Variants in MYLK observed in about 807,000 individuals in gnomAD.
The protein encoded by MYLK is myosin light chain kinase, smooth muscle.
In MYLK, 106 loss-of-function variants were observed where a neutral mutation model predicts 203.4. The ratio of observed to expected loss-of-function variants is 0.52; its 90% CI spans 0.45 to 0.61. The LOEUF (loss-of-function observed/expected upper bound fraction) is 0.61, where lower values mean the gene tolerates loss of function less well. Among genes scored for constraint, MYLK ranks in the 20% least tolerant of loss-of-function variants. The pLI, the probability that MYLK is intolerant of heterozygous loss-of-function variation, is 0.00. For synonymous variants in MYLK, 867 were observed against 959.5 expected, an observed-to-expected ratio of 0.90 and a Z score of 1.78; for missense variants, 2,072 against 2,442.3, an observed-to-expected ratio of 0.85 and a Z score of 3.20.
intron 4 of MYLK, among the ~76,000 whole-genome samples, chr3:123,784,271 T>C (rs760902283): frequency 6.6e-6 from 1 of 151,946 alleles, no homozygotes; most frequent in Non-Finnish European, 1.5e-5. Flanking sequence ...ACACGAATCA[T>C]ATATGTACAT....
chr3:123,845,395 G>A lies in MYLK; in HGVS notation c.-126-13725C>T, dbSNP rs746917629. Among the ~76,000 whole-genome samples, 19 of 152,300 alleles carry A rather than the reference G, an allele frequency of 1.2e-4. 1 individual carries two copies. Among genetic ancestry groups the A allele is most frequent in the Admixed American group, 2.6e-4 (4 of 15,304 alleles). On this transcript the variant is annotated intron_variant, in intron 2 of 33. Transcript: ENST00000360304. ...CATTTATACCCAGGAAATATTTACCGCAAGGACATGTCAGGAGTCCATCCA... is the reference window on the plus strand; with the variant it reads ...CATTTATACCCAGGAAATATTTACCACAAGGACATGTCAGGAGTCCATCCA...
At chr3:123,744,889 C>T (rs1325761497) in intron 5 of MYLK, among the ~76,000 whole-genome samples, 2 of 152,154 alleles carry the variant, frequency 1.3e-5, no homozygotes, top group Non-Finnish European at 2.9e-5. Context: ...TAACTTAATA[C>T]TATTTGCTTC....
intron 15 of MYLK, among the ~76,000 whole-genome samples, chr3:123,708,478 G>A (rs1398202667): frequency 6.6e-6 from 1 of 152,196 alleles, no homozygotes; most frequent in African/African-American, 2.4e-5. Context: ...GTAACCCAGA[G>A]AGGGCAGGGA....
chr3:123,612,276 G>A lies in MYLK; in HGVS notation c.*1829C>T, dbSNP rs2057264533. On this transcript the variant is annotated 3_prime_UTR_variant, in exon 34 of 34. Transcript: ENST00000360304. ...TCCTTTACAACTGGTAGCATGGAAA[G>A]AAAGAGAAGTCTGCAAAGATTGAAC... 1 of 152,644 alleles carries A rather than the reference G, an allele frequency of 6.6e-6. No homozygotes were observed. The highest frequency in any genetic ancestry group is 1.5e-5 in the Non-Finnish European group (1 of 68,038). 9.5% of individuals were successfully genotyped at this position (152,644 alleles called of 1,614,324 possible).
intron 2 of MYLK, among the ~76,000 whole-genome samples, chr3:123,869,534 C>T (rs2032592420): frequency 6.6e-6 from 1 of 152,106 alleles, no homozygotes; most frequent in Admixed American, 6.5e-5. Flanking sequence ...AATCACCCCT[C>T]CCCATCTTTC....
intron 3 of MYLK, among the ~76,000 whole-genome samples, chr3:123,822,254 G>C (rs2065962469): frequency 1.3e-5 from 2 of 152,142 alleles, no homozygotes; most frequent in Admixed American, 1.3e-4. Context: ...GGGTCTTCAG[G>C]CTATTCCAAC....
chr3:123,743,845 C>T (rs181868972), intron 5 of MYLK, among the ~76,000 whole-genome samples: 3 of 152,110 alleles, frequency 2.0e-5, no homozygotes, highest in East Asian at 1.9e-4. Flanking sequence ...TGAAAGGAGC[C>T]GAAATGCTTC....
chr3:123,837,268 G>C (rs1366253606), intron 2 of MYLK, among the ~76,000 whole-genome samples: 3 of 151,914 alleles, frequency 2.0e-5, no homozygotes, highest in African/African-American at 4.8e-5. Context: ...CTGACCTCAG[G>C]TGATCCACCC....
At chr3:123,807,512 T>C (rs1325010165) in intron 3 of MYLK, among the ~76,000 whole-genome samples, 3 of 152,216 alleles carry the variant, frequency 2.0e-5, no homozygotes, top group Admixed American at 6.5e-5. Flanking sequence ...AACGAATGTA[T>C]TGATATCCCC....
At chr3:123,813,210 C>CA (rs2065620776) in intron 3 of MYLK, among the ~76,000 whole-genome samples, 2 of 152,250 alleles carry the variant, frequency 1.3e-5, no homozygotes, top group African/African-American at 4.8e-5. Flanking sequence ...TAAAAGGTTG[C>CA]AAATAGGGGA....
intron 13 of MYLK, among the ~76,000 whole-genome samples, chr3:123,720,459 C>A (rs2062048732): frequency 6.6e-6 from 1 of 152,152 alleles, no homozygotes; most frequent in Non-Finnish European, 1.5e-5. Flanking sequence ...GTGTAGCATT[C>A]TGACTCTTGC....
At chr3:123,878,239 C>T (rs2033283302) in intron 1 of MYLK, among the ~76,000 whole-genome samples, 1 of 152,206 alleles carries the variant, frequency 6.6e-6, no homozygotes. Context: ...CTGCCTACAG[C>T]CTCATCAGAT....
intron 32 of MYLK, 46 bp downstream of exon 32, chr3:123,620,161 C>A: frequency 6.4e-7 from 1 of 1,553,640 alleles, no homozygotes. Flanking sequence ...CCTTTGTTCC[C>A]CAGCCCTTTC....
chr3:123,820,117 C>T (rs947523945), intron 3 of MYLK, among the ~76,000 whole-genome samples: 17 of 152,154 alleles, frequency 1.1e-4, no homozygotes, highest in African/African-American at 3.9e-4. Context: ...TGCTAACAAC[C>T]CTGCCTGTAA....
Position 123,657,289 on chromosome 3 carries a change from G to C in MYLK, c.4125C>G (p.Asn1375Lys), listed in dbSNP as rs755761203. The change falls in exon 24 of 34, where the codon AAC becomes AAG. Residue 1375 changes from asparagine to lysine, a missense_variant. Around this residue, in one of 3 missense-constraint regions of MYLK, gnomAD observed 524 missense variants for 782.4 expected, o/e 0.67. Transcript: ENST00000360304. ...SYSIEIWDSA[N>K]KTWKELATCR... is the part of the protein sequence containing the mutation. ...ATGTGGCTAGTTCCTTCCACGTCTT[G>C]TTGGCTGAGTCCCAGATCTCGATGC... The C allele has an allele frequency of 6.2e-7, 1 of 1,614,154 alleles. No homozygotes were observed. The highest frequency in any genetic ancestry group is 1.7e-5 in the Admixed American group (1 of 60,014).
intron 4 of MYLK, among the ~76,000 whole-genome samples, chr3:123,753,083 C>T (rs1184526142): frequency 2.0e-5 from 3 of 152,206 alleles, no homozygotes; most frequent in Admixed American, 6.5e-5. Flanking sequence ...AGGACCTGCA[C>T]TGCCCAGCAC....
chr3:123,619,169 T>C (rs1375838128), intron 32 of MYLK, among the ~76,000 whole-genome samples: 1 of 152,230 alleles, frequency 6.6e-6, no homozygotes, highest in Non-Finnish European at 1.5e-5. Context: ...GTGTTCCACC[T>C]GCTTTTTACA....
At chr3:123,722,668 T>A (rs1185953189) in intron 12 of MYLK, among the ~76,000 whole-genome samples, 1 of 152,190 alleles carries the variant, frequency 6.6e-6, no homozygotes, top group Non-Finnish European at 1.5e-5. Context: ...GAGAGACTTT[T>A]ACACGGTCAT....
intron 14 of MYLK, 74 bp from the exon 15 acceptor site, chr3:123,708,969 G>T: frequency 7.7e-7 from 1 of 1,301,872 alleles, no homozygotes; most frequent in Non-Finnish European, 1.1e-6. Flanking sequence ...TGCGCTGAAT[G>T]CAGTGATATT....
Sources: gnomAD v4.1 joint callset for allele counts (sites outside exome capture counted in the v4.1 genomes callset) on GRCh38, gnomAD v4.1.1 for gene constraint, gnomAD v4.1.1 regional missense constraint, MANE v1.5 for transcripts, NCBI Gene and HGNC (gene_info 2026-07-23, HGNC 2026-07-21) for gene names.